The following PLEKHM3 variants were observed in gnomAD, a reference collection of about 807,000 sequenced individuals.
The protein encoded by PLEKHM3 is pleckstrin homology domain-containing family M member 3.
Under a neutral mutation model 81.8 loss-of-function variants are expected in PLEKHM3, and 45 were observed. That is an observed-to-expected ratio of 0.55 (90% CI 0.43 to 0.71). PLEKHM3 has a LOEUF of 0.71. Among genes scored for constraint, PLEKHM3 ranks in the 30% least tolerant of loss-of-function variants. The probability of loss-of-function intolerance (pLI) is 0.00; values close to 1 mark genes in which losing one functional copy is unlikely to be tolerated. For missense variants in PLEKHM3, 788 were observed against 924.3 expected (o/e 0.85, Z 1.91); for synonymous variants, 352 against 356.4 (o/e 0.99, Z 0.14).
chr2:207,953,443 G>A (rs1445860162), intron 3 of PLEKHM3, among the ~76,000 whole-genome samples: 2 of 152,046 alleles, frequency 1.3e-5, no homozygotes, highest in Non-Finnish European at 2.9e-5. Context: ...TTTTATAGCA[G>A]TGAGAGATTA....
intron 6 of PLEKHM3, among the ~76,000 whole-genome samples, chr2:207,885,994 T>C (rs1315282095): frequency 6.6e-6 from 1 of 152,178 alleles, no homozygotes; most frequent in African/African-American, 2.4e-5. Context: ...GACTGAACAG[T>C]GGCACCCCAA....
chr2:207,845,116 G>A (rs1419576930), intron 7 of PLEKHM3, among the ~76,000 whole-genome samples: 1 of 152,194 alleles, frequency 6.6e-6, no homozygotes, highest in African/African-American at 2.4e-5. Context: ...GCATTGTTAA[G>A]TGGTTTAAAT....
At chr2:207,928,977 A>G (rs1214636832) in intron 5 of PLEKHM3, among the ~76,000 whole-genome samples, 1 of 152,210 alleles carries the variant, frequency 6.6e-6, no homozygotes, top group Non-Finnish European at 1.5e-5. Context: ...GAAGACTCTG[A>G]AGATGATTCC....
chr2:207,919,783 C>T (rs1035506588), intron 5 of PLEKHM3, among the ~76,000 whole-genome samples: 3 of 152,160 alleles, frequency 2.0e-5, no homozygotes, highest in African/African-American at 4.8e-5. Context: ...GACTCAGCCT[C>T]AGCTACAGTG....
intron 6 of PLEKHM3, among the ~76,000 whole-genome samples, chr2:207,875,102 A>G (rs1463368134): frequency 2.6e-5 from 4 of 152,052 alleles, no homozygotes; most frequent in Non-Finnish European, 5.9e-5. Flanking sequence ...AATTAGTTCA[A>G]TATAAAATAT....
At chr2:207,919,956 A>G (rs927117442) in intron 5 of PLEKHM3, among the ~76,000 whole-genome samples, 2 of 151,914 alleles carry the variant, frequency 1.3e-5, no homozygotes, top group Admixed American at 1.3e-4. Flanking sequence ...CAGGACAGAC[A>G]CACACACACA....
chr2:207,898,567 G>A lies in PLEKHM3; in HGVS notation c.1950+9947C>T, dbSNP rs1478481067. 5.3e-5 allele frequency among the ~76,000 whole-genome samples: 8 copies of A among 152,190 alleles called. 1 individual carries two copies. The East Asian group carries it at 1.4e-3, about 26-fold the overall frequency. Reference sequence around the variant, plus strand: ...CCAGGAGTTCGAGATCAGCCCGGGCGACATGGCGAAAACACATCTCTACCA... The same window carrying A: ...CCAGGAGTTCGAGATCAGCCCGGGCAACATGGCGAAAACACATCTCTACCA... On this transcript the variant is annotated intron_variant, in intron 6 of 7. Transcript: ENST00000427836.
intron 3 of PLEKHM3, among the ~76,000 whole-genome samples, chr2:207,960,146 T>C (rs1690679210): frequency 6.6e-6 from 1 of 152,252 alleles, no homozygotes; most frequent in African/African-American, 2.4e-5. Flanking sequence ...GTGATATTCC[T>C]AGCTTCTCTC....
intron 2 of PLEKHM3, among the ~76,000 whole-genome samples, chr2:207,994,393 C>G (rs1692000954): frequency 6.6e-6 from 1 of 152,114 alleles, no homozygotes; most frequent in Non-Finnish European, 1.5e-5. Context: ...TGAACAAGAA[C>G]AGATGACAGT....
chr2:207,887,024 C>T (rs1464274990), intron 6 of PLEKHM3, among the ~76,000 whole-genome samples: 1 of 152,104 alleles, frequency 6.6e-6, no homozygotes, highest in Non-Finnish European at 1.5e-5. Flanking sequence ...CAAACGAGTA[C>T]AGTATATACA....
At chr2:207,839,769 A>G (rs150591196) in intron 7 of PLEKHM3, among the ~76,000 whole-genome samples, 49 of 152,242 alleles carry the variant, frequency 3.2e-4, no homozygotes, top group Non-Finnish European at 5.4e-4. Flanking sequence ...CTACAAAAAC[A>G]GAAAAAAATT....
intron 5 of PLEKHM3, among the ~76,000 whole-genome samples, chr2:207,912,918 G>C (rs1328745827): frequency 6.6e-6 from 1 of 152,078 alleles, no homozygotes; most frequent in African/African-American, 2.4e-5. Context: ...GGGAAACTCA[G>C]GGTAAATATG....
rs980569589 is a variant in PLEKHM3, at chr2:207,824,950, C to T, written c.*3369G>A. ...CTAGAAGAATCAAAAACCGATGACC[C>T]TCTCAGCGAATCCGATGTTAAAGCT... is the stretch of plus-strand genomic sequence containing the variant. On this transcript the variant is annotated 3_prime_UTR_variant, in exon 8 of 8. Transcript: ENST00000427836. 6.6e-5 allele frequency: 10 copies of T among 152,180 alleles called. No individual in the cohort carries two copies. The highest frequency in any genetic ancestry group is 2.4e-4 in the African/African-American group (10 of 41,444). The allele number at this position is 152,180 out of a possible 1,614,324, so 9.4% of individuals were successfully genotyped here.
Position 207,823,090 on chromosome 2 carries a change from A to G in PLEKHM3, c.*5229T>C, listed in dbSNP as rs2105871084. 6.6e-6 allele frequency: 1 copy of G among 151,792 alleles called. No individual in the cohort carries two copies. Among genetic ancestry groups the G allele is most frequent in the South Asian group, 2.1e-4 (1 of 4,820 alleles). The allele number at this position is 151,792 out of a possible 1,614,324, so 9.4% of individuals were successfully genotyped here. A position where few individuals can be genotyped will look rare whatever the true frequency, so the allele number is the denominator to read the frequency against. On this transcript the variant is annotated 3_prime_UTR_variant, in exon 8 of 8. Coordinates refer to ENST00000427836, the MANE Select transcript of PLEKHM3 (RefSeq NM_001080475.3). ...GAATCTTCTACTCTGGGCAACAACC[A>G]GCTTCATTCAAAGTCTGGAACTTCA...
At chr2:207,964,372 T>C (rs919688854) in intron 3 of PLEKHM3, among the ~76,000 whole-genome samples, 1 of 152,182 alleles carries the variant, frequency 6.6e-6, no homozygotes, top group Non-Finnish European at 1.5e-5. Context: ...CTCATGATTC[T>C]AATGCAAATG....
intron 6 of PLEKHM3, among the ~76,000 whole-genome samples, chr2:207,889,895 C>T (rs1269013762): frequency 6.6e-6 from 1 of 152,096 alleles, no homozygotes; most frequent in African/African-American, 2.4e-5. Flanking sequence ...CCTCTGTCTC[C>T]CGGGTTCAAG....
intron 7 of PLEKHM3, chr2:207,851,740 C>CAAAAAAAAAAAAAAAAAAAAAAAAA (rs10605219): frequency 1.6e-5 from 1 of 64,308 alleles, no homozygotes; most frequent in Non-Finnish European, 2.9e-5. Flanking sequence ...AACTCCATCT[C>CAAAAAAAAAAAAAAAAAAAAAAAAA]AAAAAAAAAA....
intron 1 of PLEKHM3, among the ~76,000 whole-genome samples, chr2:208,002,386 T>G (rs139679959): frequency 6.6e-6 from 1 of 152,340 alleles, no homozygotes; most frequent in Non-Finnish European, 1.5e-5. Flanking sequence ...TTTGTTGGGT[T>G]TAAAGGTACC....
At chr2:207,992,223 T>C (rs1371156888) in intron 2 of PLEKHM3, among the ~76,000 whole-genome samples, 3 of 152,212 alleles carry the variant, frequency 2.0e-5, no homozygotes, top group Non-Finnish European at 4.4e-5. Flanking sequence ...GAGTTAGACT[T>C]GGCTTAGAAT....
Sources: gnomAD v4.1 joint callset for allele counts (sites outside exome capture counted in the v4.1 genomes callset) on GRCh38, gnomAD v4.1.1 for gene constraint, MANE v1.5 for transcripts, NCBI Gene and HGNC (gene_info 2026-07-23, HGNC 2026-07-21) for gene names.